The following SV2B variants were observed in gnomAD, a reference collection of about 807,000 sequenced individuals.
SV2B encodes the protein solute carrier family 22 member B2.
SV2B carries 41 observed loss-of-function variants against 73.9 expected under a neutral mutation model. That is an observed-to-expected ratio of 0.56 (90% CI 0.43 to 0.72). SV2B has a LOEUF of 0.72. Ranked by LOEUF, SV2B falls within the 30% of genes least tolerant of loss-of-function variation. The pLI is 0.00. For synonymous variants in SV2B, 314 were observed against 314.2 expected (o/e 1.00, Z 0.01); for missense variants, 764 against 857.8 (o/e 0.89, Z 1.37).
intron 1 of SV2B, among the ~76,000 whole-genome samples, chr15:91,112,681 T>G (rs1420464572): frequency 2.6e-5 from 4 of 152,218 alleles, no homozygotes; most frequent in Non-Finnish European, 5.9e-5. Context: ...GACTCACTGA[T>G]TAGGGGATTT....
Position 91,124,351 on chromosome 15 carries a change from T to G in SV2B, c.-392+23988T>G, listed in dbSNP as rs1443017296. Among the ~76,000 whole-genome samples, 1 of 152,164 alleles carries G rather than the reference T, an allele frequency of 6.6e-6. No homozygotes were observed. Among genetic ancestry groups the G allele is most frequent in the Non-Finnish European group, 1.5e-5 (1 of 68,024 alleles). ...TCCCAGGCAGGACTCTTGGGAGGATTGTGAAGCTAATGGCACCTCCTTCCT... is the reference window on the plus strand; with the variant it reads ...TCCCAGGCAGGACTCTTGGGAGGATGGTGAAGCTAATGGCACCTCCTTCCT... On this transcript the variant is annotated intron_variant, in intron 1 of 12. Coordinates refer to ENST00000394232, the MANE Select transcript of SV2B (RefSeq NM_001323032.3). This position sits in a 1 kb window ranked among gnomAD's most constrained non-coding sequence, Gnocchi z 4.6.
chr15:91,213,777 T>C (rs1182825457), intron 1 of SV2B, among the ~76,000 whole-genome samples: 1 of 152,208 alleles, frequency 6.6e-6, no homozygotes, highest in East Asian at 1.9e-4. Context: ...GTAAAAATAA[T>C]ACAGTGTTAT....
chr15:91,281,664 C>T lies in SV2B; in HGVS notation c.1374-64C>T. The T allele has an allele frequency of 6.7e-7, 1 of 1,500,288 alleles. No homozygotes were observed. The allele number at this position is 1,500,288 out of a possible 1,614,324, so 92.9% of individuals were successfully genotyped here. Reference sequence around the variant, plus strand: ...CCTTTTTCTGCCTTGCTGTGTTTTCCATTTTGGTCTTAAGTCTCTTTTTTT... The same window carrying T: ...CCTTTTTCTGCCTTGCTGTGTTTTCTATTTTGGTCTTAAGTCTCTTTTTTT... On this transcript the variant is annotated intron_variant, in intron 9 of 12. Coordinates refer to ENST00000394232, the MANE Select transcript of SV2B (RefSeq NM_001323032.3). The surrounding 1 kb of genome is among the most constrained non-coding windows in gnomAD (Gnocchi z 4.7).
Position 91,145,696 on chromosome 15 carries a change from A to G in SV2B, c.-392+45333A>G, listed in dbSNP as rs537966913. Among the ~76,000 whole-genome samples, 17 of 152,308 alleles carry G rather than the reference A, an allele frequency of 1.1e-4. 1 individual carries two copies. The South Asian group carries it at 3.5e-3, about 32-fold the overall frequency. On this transcript the variant is annotated intron_variant, in intron 1 of 12. Coordinates refer to ENST00000394232, the MANE Select transcript of SV2B (RefSeq NM_001323032.3). ...TAATAGCCATTCTGACTGGTATGAG[A>G]TGATATCTCATTGTGGTTTTGATTT...
chr15:91,126,048 A>G (rs2042473457), intron 1 of SV2B, among the ~76,000 whole-genome samples: 1 of 152,198 alleles, frequency 6.6e-6, no homozygotes, highest in South Asian at 2.1e-4. Flanking sequence ...GAAAGAACAC[A>G]TCTAGCACTC....
Position 91,289,675 on chromosome 15 carries a change from C to T in SV2B, c.1863C>T (p.Asn621=). 6.2e-7 allele frequency: 1 copy of T among 1,612,462 alleles called. No individual in the cohort carries two copies. Among genetic ancestry groups the T allele is most frequent in the Admixed American group, 1.7e-5 (1 of 59,958 alleles). ...DVITVELYPT[N]QRATAFGILN... Reference sequence around the variant, plus strand: ...TCACAGTGGAGCTGTATCCCACCAACCAGAGGTCAGTTCTTCCCCAGGCTT... The same window carrying T: ...TCACAGTGGAGCTGTATCCCACCAATCAGAGGTCAGTTCTTCCCCAGGCTT... The change falls in exon 12 of 13, where the codon AAC becomes AAT. Residue 621 remains asparagine, a synonymous_variant. Transcript: ENST00000394232. This position sits in a 1 kb window ranked among gnomAD's most constrained non-coding sequence, Gnocchi z 4.9.
At chr15:91,219,387 C>T (rs1049796605) in intron 1 of SV2B, among the ~76,000 whole-genome samples, 1 of 152,126 alleles carries the variant, frequency 6.6e-6, no homozygotes, top group African/African-American at 2.4e-5. Context: ...ATAGGAAGCT[C>T]TTGGTCCCTC....
In SV2B at chr15:91,289,317, G is replaced by A. The variant is rs1434735287; in HGVS notation, c.1709-204G>A. Among the ~76,000 whole-genome samples, 5 of 152,176 alleles carry A rather than the reference G, an allele frequency of 3.3e-5. No individual in the cohort carries two copies. Among genetic ancestry groups the A allele is most frequent in the African/African-American group, 2.4e-5 (1 of 41,434 alleles). The stretch of plus-strand genomic sequence containing the variant: ...TCCTAAGTCTGGTGATCTGACCCAC[G>A]CAGAGGGCTCTAATGCCATGTCTGG... On this transcript the variant is annotated intron_variant, in intron 11 of 12. Coordinates refer to ENST00000394232, the MANE Select transcript of SV2B (RefSeq NM_001323032.3). The surrounding 1 kb of genome is among the most constrained non-coding windows in gnomAD (Gnocchi z 4.9).
chr15:91,199,160 C>A (rs2045369970), intron 1 of SV2B, among the ~76,000 whole-genome samples: 1 of 151,968 alleles, frequency 6.6e-6, no homozygotes, highest in Admixed American at 6.6e-5. Context: ...CTACAATGCC[C>A]AGCTCTATAA....
chr15:91,110,617 G>A lies in SV2B; in HGVS notation c.-392+10254G>A, dbSNP rs566870800. ...GAGGAATGGAGCCCAGCTGGCACGT[G>A]GGAGGCTCTGCGGGAGAGGAAGAGG... On this transcript the variant is annotated intron_variant, in intron 1 of 12. Transcript: ENST00000394232. This position sits in a 1 kb window ranked among gnomAD's most constrained non-coding sequence, Gnocchi z 5.4. Among the ~76,000 whole-genome samples the A allele has an allele frequency of 3.9e-5, 6 of 152,344 alleles. No individual in the cohort carries two copies. The East Asian group carries it at 9.6e-4, about 24-fold the overall frequency.
chr15:91,251,555 A>T (rs1359312669), intron 2 of SV2B, among the ~76,000 whole-genome samples: 1 of 152,160 alleles, frequency 6.6e-6, no homozygotes, highest in African/African-American at 2.4e-5. Context: ...TATGTACCTA[A>T]ATGACTGGTC....
chr15:91,260,701 T>C (rs758273774), intron 6 of SV2B, among the ~76,000 whole-genome samples: 1 of 152,064 alleles, frequency 6.6e-6, no homozygotes, highest in Non-Finnish European at 1.5e-5. Context: ...GATAAAGACA[T>C]ACCCGAGACT....
intron 1 of SV2B, among the ~76,000 whole-genome samples, chr15:91,206,248 C>T (rs919954491): frequency 6.9e-6 from 1 of 145,588 alleles, no homozygotes; most frequent in East Asian, 2.0e-4. Flanking sequence ...CTTTGTGTAG[C>T]CCAGGCTGTT....
chr15:91,168,301 C>CGAGAGAGGGAGAGAGAGAGA, intron 1 of SV2B, among the ~76,000 whole-genome samples: 2 of 137,292 alleles, frequency 1.5e-5, no homozygotes, highest in South Asian at 5.0e-4. Flanking sequence ...TGGTGAGATA[C>CGAGAGAGGGAGAGAGAGAGA]GAGAGAGAGA....
intron 1 of SV2B, among the ~76,000 whole-genome samples, chr15:91,191,121 A>C (rs1458831630): frequency 7.9e-6 from 1 of 126,802 alleles, no homozygotes; most frequent in Non-Finnish European, 1.6e-5. Context: ...GCTGGAGTGC[A>C]ATGGTGCAAT....
intron 1 of SV2B, among the ~76,000 whole-genome samples, chr15:91,208,842 A>G (rs755901022): frequency 6.6e-6 from 1 of 152,200 alleles, no homozygotes; most frequent in Non-Finnish European, 1.5e-5. Context: ...ACTCCAAAAC[A>G]TAACAGTGTT....
chr15:91,243,091 A>G (rs1397454933), intron 2 of SV2B, among the ~76,000 whole-genome samples: 1 of 152,148 alleles, frequency 6.6e-6, no homozygotes, highest in East Asian at 1.9e-4. Flanking sequence ...TTGCCCTCTT[A>G]TGAGACCCCT....
chr15:91,163,550 T>C (rs1218269832), intron 1 of SV2B, among the ~76,000 whole-genome samples: 4 of 152,310 alleles, frequency 2.6e-5, no homozygotes, highest in Admixed American at 6.5e-5. Context: ...CTGTTGGCTG[T>C]GTAAATGTCT....
At position 91,245,041 on chromosome 15, in the gene SV2B, C is replaced by T. The variant is rs189942319; in HGVS notation, c.452-6778C>T. ...GTTAATTGCTAAATAAAGAAGCTCACCCAGTCAGGGCCTCTTCTTTCTTGT... is the reference window on the plus strand; with the variant it reads ...GTTAATTGCTAAATAAAGAAGCTCATCCAGTCAGGGCCTCTTCTTTCTTGT... On this transcript the variant is annotated intron_variant, in intron 2 of 12. Transcript: ENST00000394232. The surrounding 1 kb of genome is among the most constrained non-coding windows in gnomAD (Gnocchi z 4.2). 2.0e-5 allele frequency among the ~76,000 whole-genome samples: 3 copies of T among 152,314 alleles called. No individual in the cohort carries two copies. Among genetic ancestry groups the T allele is most frequent in the African/African-American group, 7.2e-5 (3 of 41,600 alleles).
Sources: allele counts gnomAD v4.1 joint callset (sites outside exome capture counted in the v4.1 genomes callset), GRCh38; gene constraint gnomAD v4.1.1; non-coding constraint Gnocchi (gnomAD v3.1); transcripts MANE v1.5; gene names NCBI Gene and HGNC (gene_info 2026-07-23, HGNC 2026-07-21).